ANK1: variants seen among roughly 807,000 people sequenced by gnomAD.
The protein encoded by ANK1 is ankyrin-1.
A neutral mutation model predicts 210.4 loss-of-function variants in ANK1; 51 were observed. That is an observed-to-expected ratio of 0.24 (90% CI 0.19 to 0.31). The LOEUF is 0.31. Among genes scored for constraint, ANK1 ranks in the 10% least tolerant of loss-of-function variants. The probability of loss-of-function intolerance (pLI) is 1.00; values close to 1 mark genes in which losing one functional copy is unlikely to be tolerated. For synonymous variants in ANK1, 967 were observed against 1,025.9 expected, an observed-to-expected ratio of 0.94 and a Z score of 1.10; for missense variants, 2,051 against 2,504.4, an observed-to-expected ratio of 0.82 and a Z score of 3.86.
At position 41,736,990 on chromosome 8, in the gene ANK1, C is replaced by T. The variant is rs532577346; in HGVS notation, c.130-2921G>A. On this transcript the variant is annotated intron_variant, in intron 2 of 42. Coordinates refer to ENST00000289734, the MANE Select transcript of ANK1 (RefSeq NM_000037.4). The stretch of plus-strand genomic sequence containing the variant: ...CCCAGAAAAAAGGAGGTTTGGTTTT[C>T]TCCCCGCTAAAAACTACTGTGATAA... 1.1e-3 allele frequency among the ~76,000 whole-genome samples: 167 copies of T among 152,160 alleles called. 1 individual carries two copies. Among genetic ancestry groups the T allele is most frequent in the Non-Finnish European group, 4.7e-4 (32 of 68,034 alleles).
chr8:41,862,075 T>G (rs184985134), intron 1 of ANK1, among the ~76,000 whole-genome samples: 2 of 152,294 alleles, frequency 1.3e-5, no homozygotes, highest in Admixed American at 1.3e-4. Context: ...GAACAAAATT[T>G]CGGGGAAATT....
At chr8:41,892,340 C>G (rs976029308) in intron 1 of ANK1, among the ~76,000 whole-genome samples, 15 of 152,142 alleles carry the variant, frequency 9.9e-5, no homozygotes, top group African/African-American at 3.6e-4. Context: ...AGGAAGGCTG[C>G]AGGCTCTTCG....
At chr8:41,867,541 A>G (rs1814699925) in intron 1 of ANK1, among the ~76,000 whole-genome samples, 1 of 152,226 alleles carries the variant, frequency 6.6e-6, no homozygotes, top group Non-Finnish European at 1.5e-5. Flanking sequence ...CCAGAGCTCA[A>G]GAGTCAAGCC....
At chr8:41,712,815 TTAAA>T (rs1157832475) in intron 16 of ANK1, among the ~76,000 whole-genome samples, 2 of 152,242 alleles carry the variant, frequency 1.3e-5, no homozygotes, top group Non-Finnish European at 2.9e-5. Context: ...TTAGTTATCT[TTAAA>T]TATAATGAAC....
intron 22 of ANK1, among the ~76,000 whole-genome samples, chr8:41,700,846 T>G (rs1219067371): frequency 6.6e-6 from 1 of 152,158 alleles, no homozygotes; most frequent in African/African-American, 2.4e-5. Context: ...CACTGCAGCC[T>G]CAAGCTCCTG....
At chr8:41,735,697 C>CATT (rs1833245680) in intron 2 of ANK1, among the ~76,000 whole-genome samples, 1 of 152,290 alleles carries the variant, frequency 6.6e-6, no homozygotes, top group East Asian at 1.9e-4. Context: ...AGTGGGAGTG[C>CATT]ATTAGCCCAT....
In ANK1 at chr8:41,797,398, C is replaced by T. The variant is rs543760821; in HGVS notation, c.27+114G>A. On this transcript the variant is annotated intron_variant, in intron 1 of 42. Coordinates refer to ENST00000289734, the MANE Select transcript of ANK1 (RefSeq NM_000037.4). The surrounding 1 kb of genome is among the most constrained non-coding windows in gnomAD (Gnocchi z 4.0). The stretch of plus-strand genomic sequence containing the variant: ...CTAAGGCAGGGAGCCCACGGGGAGG[C>T]GAGGCGGGTGGGGTGTGCAAAGCTG... 7.5e-6 allele frequency: 7 copies of T among 938,460 alleles called. No homozygotes were observed. The highest frequency in any genetic ancestry group is 4.4e-5 in the South Asian group (3 of 68,380). The allele number at this position is 938,460 out of a possible 1,614,324, so 58.1% of individuals were successfully genotyped here.
intron 1 of ANK1, among the ~76,000 whole-genome samples, chr8:41,780,509 C>T (rs1334933728): frequency 6.6e-6 from 1 of 152,222 alleles, no homozygotes; most frequent in East Asian, 1.9e-4. Flanking sequence ...TCTGCCCACC[C>T]AGCGGGTGCA....
intron 37 of ANK1, among the ~76,000 whole-genome samples, chr8:41,682,592 T>C (rs1450311808): frequency 2.0e-5 from 3 of 152,058 alleles, no homozygotes; most frequent in Non-Finnish European, 4.4e-5. Context: ...AGACATGGAG[T>C]GCACAGGCCC....
In ANK1 at chr8:41,672,892, C is replaced by G. The variant is rs370459551; in HGVS notation, c.4558G>C (p.Glu1520Gln). Reference sequence around the variant, plus strand: ...CCCAGGGAGGCAGGGGACAGCAGCTCGTCCTGCAGTGAGGAGTAACCTGGA... The same window carrying G: ...CCCAGGGAGGCAGGGGACAGCAGCTGGTCCTGCAGTGAGGAGTAACCTGGA... The part of the protein sequence containing the change: ...QMNGYSSLQD[E>Q]LLSPASLGCA... The change falls in exon 38 of 43, where the codon GAG becomes CAG. Residue 1520 changes from glutamate (E) to glutamine (Q), a missense_variant. Physicochemically the swap from Glu to Gln is conservative, Grantham distance 29. Coordinates refer to ENST00000289734, the MANE Select transcript of ANK1 (RefSeq NM_000037.4). The G allele has an allele frequency of 4.7e-5, 75 of 1,602,834 alleles. No homozygotes were observed. Among genetic ancestry groups the G allele is most frequent in the Non-Finnish European group, 5.9e-5 (70 of 1,179,782 alleles).
At chr8:41,798,140 G>C (rs557225610), upstream of ANK1, among the ~76,000 whole-genome samples, 6 of 152,150 alleles carry the variant, frequency 3.9e-5, no homozygotes, top group East Asian at 5.9e-4. Context: ...CGCTGAGCCA[G>C]GGCGCACGCC....
chr8:41,761,187 A>G (rs1449533005), intron 1 of ANK1, among the ~76,000 whole-genome samples: 4 of 110,550 alleles, frequency 3.6e-5, no homozygotes, highest in Admixed American at 9.5e-5. Flanking sequence ...ACACAGATGC[A>G]TGCGCACACA....
intron 1 of ANK1, among the ~76,000 whole-genome samples, chr8:41,816,270 T>C (rs1331915412): frequency 6.6e-6 from 1 of 152,202 alleles, no homozygotes; most frequent in Non-Finnish European, 1.5e-5. Flanking sequence ...CTTACTGATG[T>C]GATTGATATA....
chr8:41,842,161 G>T (rs984001930), intron 1 of ANK1, among the ~76,000 whole-genome samples: 1 of 152,210 alleles, frequency 6.6e-6, no homozygotes, highest in Non-Finnish European at 1.5e-5. Flanking sequence ...AGGAAGTAAA[G>T]CGTTGCTCCC....
intron 17 of ANK1, among the ~76,000 whole-genome samples, chr8:41,707,775 G>A (rs987449048): frequency 6.6e-6 from 1 of 152,178 alleles, no homozygotes; most frequent in Admixed American, 6.5e-5. Context: ...GGGGTCAATT[G>A]TTCAAATTTG....
At chr8:41,856,055 G>A (rs1812125822) in intron 1 of ANK1, among the ~76,000 whole-genome samples, 1 of 152,214 alleles carries the variant, frequency 6.6e-6, no homozygotes, top group Admixed American at 6.5e-5. Context: ...GTCCATGGAT[G>A]AAATTCTCTT....
chr8:41,717,456 C>T, intron 12 of ANK1, 148 bp downstream of exon 12: 1 of 803,926 alleles, frequency 1.2e-6, no homozygotes, highest in Non-Finnish European at 2.1e-6. Flanking sequence ...AGCGTCAGTA[C>T]ACAGGGATGT....
At chr8:41,834,788 T>C (rs952905888) in intron 1 of ANK1, among the ~76,000 whole-genome samples, 1 of 152,258 alleles carries the variant, frequency 6.6e-6, no homozygotes, top group African/African-American at 2.4e-5. Flanking sequence ...TCAGCATCGC[T>C]GTCTGTCCAG....
intron 16 of ANK1, among the ~76,000 whole-genome samples, chr8:41,710,545 A>T (rs1825843460): frequency 6.6e-6 from 1 of 152,220 alleles, no homozygotes; most frequent in Non-Finnish European, 1.5e-5. Context: ...CCCCCAGATG[A>T]TGCTGACAAT....
Sources: gnomAD v4.1 joint callset for allele counts (sites outside exome capture counted in the v4.1 genomes callset) on GRCh38, gnomAD v4.1.1 for gene constraint, Gnocchi (gnomAD v3.1) non-coding constraint, MANE v1.5 for transcripts, NCBI Gene and HGNC (gene_info 2026-07-23, HGNC 2026-07-21) for gene names.